Variants in GNAQ observed in about 807,000 individuals in gnomAD.
GNAQ encodes guanine nucleotide-binding protein G(q) subunit alpha.
GNAQ carries 8 observed loss-of-function variants against 43.9 expected under a neutral mutation model. The observed-to-expected ratio is 0.18, with a 90% confidence interval of 0.11 to 0.33. The LOEUF (loss-of-function observed/expected upper bound fraction) is 0.33, where lower values mean the gene tolerates loss of function less well. Among genes scored for constraint, GNAQ ranks in the 10% least tolerant of loss-of-function variants. The pLI is 1.00. For missense variants in GNAQ, 158 were observed against 450.8 expected, an observed-to-expected ratio of 0.35 and a Z score of 5.88; for synonymous variants, 155 against 170.7, an observed-to-expected ratio of 0.91 and a Z score of 0.71.
intron 2 of GNAQ, among the ~76,000 whole-genome samples, chr9:77,899,490 G>C (rs531392675): frequency 1.3e-5 from 2 of 151,636 alleles, no homozygotes; most frequent in Non-Finnish European, 2.9e-5. Flanking sequence ...GGATATAAGA[G>C]TGAGTGGATA....
intron 1 of GNAQ, among the ~76,000 whole-genome samples, chr9:78,017,078 T>TTA (rs1823848503): frequency 6.6e-6 from 1 of 152,198 alleles, no homozygotes; most frequent in South Asian, 2.1e-4. Context: ...GTAGCACTGA[T>TTA]TATAACATTT....
chr9:77,807,798 T>C (rs912132304), intron 3 of GNAQ, among the ~76,000 whole-genome samples: 2 of 152,186 alleles, frequency 1.3e-5, no homozygotes, highest in Non-Finnish European at 2.9e-5. Context: ...AATTTGTGTG[T>C]GTGTGAGAAT....
intron 1 of GNAQ, among the ~76,000 whole-genome samples, chr9:77,929,649 G>A (rs1457516405): frequency 6.6e-6 from 1 of 152,128 alleles, no homozygotes; most frequent in Non-Finnish European, 1.5e-5. Flanking sequence ...TGGGCCACAT[G>A]GTGAAACCCT....
At chr9:77,867,181 C>T (rs1012667409) in intron 2 of GNAQ, among the ~76,000 whole-genome samples, 7 of 152,300 alleles carry the variant, frequency 4.6e-5, no homozygotes, top group South Asian at 2.1e-4. Context: ...CACTTCCCCC[C>T]GCCTTGGGAA....
chr9:77,743,231 C>T (rs1825679807), intron 5 of GNAQ, among the ~76,000 whole-genome samples: 1 of 152,078 alleles, frequency 6.6e-6, no homozygotes, highest in Admixed American at 6.5e-5. Context: ...GCACTCCAGC[C>T]TCATGACAGA....
intron 6 of GNAQ, among the ~76,000 whole-genome samples, chr9:77,725,830 G>A (rs1825389219): frequency 6.6e-6 from 1 of 152,162 alleles, no homozygotes; most frequent in Admixed American, 6.5e-5. Context: ...CATCTGAGAA[G>A]TTTGAATGAA....
chr9:77,905,268 T>G (rs1828686697), intron 2 of GNAQ, among the ~76,000 whole-genome samples: 1 of 152,198 alleles, frequency 6.6e-6, no homozygotes, highest in Non-Finnish European at 1.5e-5. Context: ...TAGTAACAAT[T>G]CCTGTTTTTA....
intron 1 of GNAQ, among the ~76,000 whole-genome samples, chr9:78,022,685 C>T (rs911584296): frequency 1.3e-5 from 2 of 152,182 alleles, no homozygotes; most frequent in Admixed American, 1.3e-4. Flanking sequence ...AAATTAAAGT[C>T]ATCTTGTATT....
intron 5 of GNAQ, 97 bp downstream of exon 5, chr9:77,794,366 G>A (rs1663458081): frequency 3.8e-6 from 3 of 793,728 alleles, no homozygotes; most frequent in Non-Finnish European, 5.7e-6. Flanking sequence ...AGAAAGCAAA[G>A]AAGTAAGTTC....
intron 2 of GNAQ, among the ~76,000 whole-genome samples, chr9:77,899,338 C>A (rs1828556178): frequency 6.6e-6 from 1 of 151,966 alleles, no homozygotes; most frequent in Non-Finnish European, 1.5e-5. Flanking sequence ...CACAAGCGAT[C>A]CACCTGCCTC....
chr9:77,826,602 A>AT (rs1288862690), intron 2 of GNAQ, among the ~76,000 whole-genome samples: 1 of 152,208 alleles, frequency 6.6e-6, no homozygotes, highest in African/African-American at 2.4e-5. Flanking sequence ...GGGTGGTCAT[A>AT]TGCACAGTGT....
intron 1 of GNAQ, among the ~76,000 whole-genome samples, chr9:77,985,150 A>G (rs1046489051): frequency 2.0e-5 from 3 of 152,154 alleles, no homozygotes; most frequent in Admixed American, 1.3e-4. Context: ...CTCTACTAAA[A>G]ATACAAAAAA....
At chr9:77,921,502 C>A (rs545291838) in intron 2 of GNAQ, among the ~76,000 whole-genome samples, 2 of 152,154 alleles carry the variant, frequency 1.3e-5, no homozygotes, top group African/African-American at 4.8e-5. Flanking sequence ...CTACTTCAAC[C>A]AAGAAATAAT....
chr9:77,748,619 G>A (rs1481903400), intron 5 of GNAQ, among the ~76,000 whole-genome samples: 2 of 152,108 alleles, frequency 1.3e-5, no homozygotes, highest in Middle Eastern at 3.2e-3. Flanking sequence ...CTAGGGTTGG[G>A]GCATCTTTGA....
chr9:77,877,505 T>A (rs1828142964), intron 2 of GNAQ, among the ~76,000 whole-genome samples: 1 of 152,174 alleles, frequency 6.6e-6, no homozygotes, highest in African/African-American at 2.4e-5. Flanking sequence ...TTATTGAGAC[T>A]CCTGTATTAT....
intron 5 of GNAQ, among the ~76,000 whole-genome samples, chr9:77,737,709 G>A (rs1825595314): frequency 6.6e-6 from 1 of 152,150 alleles, no homozygotes; most frequent in Non-Finnish European, 1.5e-5. Context: ...AAGAGCCAAG[G>A]AGACAACTAG....
chr9:77,962,462 C>T (rs908395493), intron 1 of GNAQ, among the ~76,000 whole-genome samples: 1 of 151,996 alleles, frequency 6.6e-6, no homozygotes, highest in Non-Finnish European at 1.5e-5. Flanking sequence ...AAAGACACAA[C>T]TATTTACTGC....
intron 1 of GNAQ, chr9:78,030,716 A>T (rs376059361): frequency 5.4e-6 from 2 of 373,528 alleles, no homozygotes; most frequent in Non-Finnish European, 1.1e-5. Flanking sequence ...CGGCCACGAC[A>T]CTGGAAGTTC....
chr9:77,880,300 T>C (rs1828187922), intron 2 of GNAQ, among the ~76,000 whole-genome samples: 1 of 152,196 alleles, frequency 6.6e-6, no homozygotes, highest in Non-Finnish European at 1.5e-5. Context: ...AGTTCCACTC[T>C]CCAGTGGAAT....
Sources: allele counts gnomAD v4.1 joint callset (sites outside exome capture counted in the v4.1 genomes callset), GRCh38; gene constraint gnomAD v4.1.1; transcripts MANE v1.5; gene names NCBI Gene and HGNC (gene_info 2026-07-23, HGNC 2026-07-21).